APPBP2: variants seen among roughly 807,000 people sequenced by gnomAD.
APPBP2 encodes the protein amyloid protein-binding protein 2.
A neutral mutation model predicts 76.0 loss-of-function variants in APPBP2; 15 were observed. The observed-to-expected ratio is 0.20, with a 90% confidence interval of 0.13 to 0.30. The LOEUF is 0.30. Among genes scored for constraint, APPBP2 ranks in the 10% least tolerant of loss-of-function variants. The probability of loss-of-function intolerance (pLI) is 1.00; values close to 1 mark genes in which losing one functional copy is unlikely to be tolerated. For synonymous variants in APPBP2, 222 were observed against 242.2 expected (o/e 0.92, Z 0.77); for missense variants, 401 against 687.2 (o/e 0.58, Z 4.66).
chr17:60,501,411 C>T (rs2090822437), intron 1 of APPBP2, among the ~76,000 whole-genome samples: 1 of 152,176 alleles, frequency 6.6e-6, no homozygotes, highest in East Asian at 1.9e-4. Context: ...TTGAGACAGT[C>T]TTGCTCTGTT....
chr17:60,514,188 T>A, intron 1 of APPBP2, among the ~76,000 whole-genome samples: 1 of 151,946 alleles, frequency 6.6e-6, no homozygotes, highest in African/African-American at 2.4e-5. Flanking sequence ...CACCTGTAAG[T>A]CCCAGCTACT....
At chr17:60,512,467 T>C (rs1292251609) in intron 1 of APPBP2, among the ~76,000 whole-genome samples, 2 of 152,090 alleles carry the variant, frequency 1.3e-5, no homozygotes, top group Non-Finnish European at 2.9e-5. Context: ...TTTACTGAAT[T>C]ATCTTACTGC....
intron 3 of APPBP2, among the ~76,000 whole-genome samples, chr17:60,486,039 T>C (rs558573499): frequency 2.6e-5 from 4 of 152,212 alleles, no homozygotes; most frequent in Non-Finnish European, 5.9e-5. Context: ...TGAGTTCTAA[T>C]TTGACTGCAC....
At chr17:60,473,433 T>A (rs2090567750) in intron 4 of APPBP2, among the ~76,000 whole-genome samples, 1 of 152,238 alleles carries the variant, frequency 6.6e-6, no homozygotes, top group African/African-American at 2.4e-5. Flanking sequence ...GAATGTAAGA[T>A]GAACCTCCAT....
rs543439776 is a variant in APPBP2, at chr17:60,464,192, C to T, written c.673-82G>A. ...TTAACAAGATGACTGCAAAATTTTT[C>T]TACAAGCACTTAAATAAGAACACAC... On this transcript the variant is annotated intron_variant, in intron 5 of 12. Transcript: ENST00000083182. 46 of 965,634 alleles carry T rather than the reference C, an allele frequency of 4.8e-5. 1 individual carries two copies. The East Asian group carries it at 1.1e-3, about 24-fold the overall frequency. 59.8% of individuals were successfully genotyped at this position (965,634 alleles called of 1,614,324 possible). A position where few individuals can be genotyped will look rare whatever the true frequency, so the allele number is the denominator to read the frequency against.
intron 3 of APPBP2, among the ~76,000 whole-genome samples, chr17:60,483,603 C>A (rs2090648847): frequency 6.6e-6 from 1 of 152,104 alleles, no homozygotes. Flanking sequence ...CCATGTTAGC[C>A]AGGATGGTCT....
intron 11 of APPBP2, 105 bp from the exon 12 acceptor site, chr17:60,452,150 C>A: frequency 8.8e-7 from 1 of 1,138,162 alleles, no homozygotes; most frequent in Non-Finnish European, 1.3e-6. Flanking sequence ...CTTATGAATG[C>A]CATAAGGTAA....
chr17:60,506,757 C>T (rs2090871261), intron 1 of APPBP2, among the ~76,000 whole-genome samples: 1 of 152,120 alleles, frequency 6.6e-6, no homozygotes, highest in Admixed American at 6.5e-5. Flanking sequence ...ACATTTTCCC[C>T]CCGGGCGCGG....
In APPBP2 at chr17:60,444,129, G is replaced by GAA. The variant is rs201052278; in HGVS notation, c.*3450_*3451dup. ...GGGCAACAAGAGCGAAACTCCGTCTGAAAAAAAAAAAAAAAATTTCCTGGC... is the reference window on the plus strand; with the variant it reads ...GGGCAACAAGAGCGAAACTCCGTCTGAAAAAAAAAAAAAAAAAATTTCCTGGC... On this transcript the variant is annotated 3_prime_UTR_variant, in exon 13 of 13. Coordinates refer to ENST00000083182, the MANE Select transcript of APPBP2 (RefSeq NM_006380.5). The GAA allele has an allele frequency of 8.2e-4, 107 of 129,798 alleles. 1 individual carries two copies. Among genetic ancestry groups the GAA allele is most frequent in the African/African-American group, 2.7e-3 (96 of 36,040 alleles). The allele number at this position is 129,798 out of a possible 1,614,324, so 8.0% of individuals were successfully genotyped here. A position where few individuals can be genotyped will look rare whatever the true frequency, so the allele number is the denominator to read the frequency against.
chr17:60,501,882 T>C (rs8082431), intron 1 of APPBP2, among the ~76,000 whole-genome samples: 12,483 of 152,104 alleles, frequency 0.082, 1,694 homozygotes, highest in African/African-American at 0.28. Context: ...TAGGTAAATA[T>C]ATTAATCCAA....
chr17:60,454,610 G>A, intron 10 of APPBP2, 118 bp from the exon 11 acceptor site: 1 of 614,846 alleles, frequency 1.6e-6, no homozygotes, highest in East Asian at 3.3e-5. Context: ...ATGTGATTAT[G>A]GTTTGGAACT....
At chr17:60,509,744 A>G (rs1454917076) in intron 1 of APPBP2, among the ~76,000 whole-genome samples, 1 of 152,210 alleles carries the variant, frequency 6.6e-6, no homozygotes, top group Non-Finnish European at 1.5e-5. Context: ...GGCTGCGGTG[A>G]GCTGAGATTG....
chr17:60,449,316 G>C (rs1268338063), intron 12 of APPBP2, among the ~76,000 whole-genome samples: 1 of 152,206 alleles, frequency 6.6e-6, no homozygotes, highest in Non-Finnish European at 1.5e-5. Flanking sequence ...TTTTGGCCAG[G>C]AGCGGTGGCT....
intron 1 of APPBP2, among the ~76,000 whole-genome samples, chr17:60,510,121 A>G (rs2090900064): frequency 6.6e-6 from 1 of 152,046 alleles, no homozygotes; most frequent in African/African-American, 2.4e-5. Context: ...ACTCATCTGA[A>G]GGCTGGCACA....
chr17:60,456,108 A>G (rs2090429487), intron 10 of APPBP2, among the ~76,000 whole-genome samples, 188 bp downstream of exon 10: 3 of 152,182 alleles, frequency 2.0e-5, no homozygotes, highest in Non-Finnish European at 4.4e-5. Context: ...AGATGCAAAC[A>G]GTCTTTCATT....
chr17:60,476,428 C>T (rs977282008), intron 4 of APPBP2, among the ~76,000 whole-genome samples: 2 of 151,950 alleles, frequency 1.3e-5, no homozygotes, highest in Non-Finnish European at 2.9e-5. Flanking sequence ...CAATTAATAC[C>T]CCAAATTTCT....
chr17:60,462,956 A>AAG (rs1039134261), intron 6 of APPBP2, among the ~76,000 whole-genome samples: 2 of 151,574 alleles, frequency 1.3e-5, no homozygotes, highest in African/African-American at 4.8e-5. Context: ...CTCAAAAAAA[A>AAG]AAAAAAAGAA....
intron 4 of APPBP2, among the ~76,000 whole-genome samples, chr17:60,475,208 C>A (rs769881022): frequency 6.6e-6 from 1 of 151,880 alleles, no homozygotes; most frequent in African/African-American, 2.4e-5. Flanking sequence ...CCAGCCTGGG[C>A]GACAGAGACT....
At chr17:60,462,975 C>A (rs903948014) in intron 6 of APPBP2, among the ~76,000 whole-genome samples, 2 of 150,734 alleles carry the variant, frequency 1.3e-5, no homozygotes, top group Admixed American at 6.6e-5. Flanking sequence ...AAAAAAAAAC[C>A]CAGAAATATA....
Sources: allele counts gnomAD v4.1 joint callset (sites outside exome capture counted in the v4.1 genomes callset), GRCh38; gene constraint gnomAD v4.1.1; transcripts MANE v1.5; gene names NCBI Gene and HGNC (gene_info 2026-07-23, HGNC 2026-07-21).